The following LIMD1 variants were observed in gnomAD, a reference collection of about 807,000 sequenced individuals.
The protein encoded by LIMD1 is LIM domain containing 1, also known as LIM domain-containing protein 1.
LIMD1 carries 23 observed loss-of-function variants against 58.4 expected under a neutral mutation model. The observed-to-expected ratio is 0.39, with a 90% CI of 0.28 to 0.56. The LOEUF (loss-of-function observed/expected upper bound fraction) is 0.56. Ranked by LOEUF, LIMD1 falls within the 20% of genes least tolerant of loss-of-function variation. The pLI is 0.57. For synonymous variants in LIMD1, 334 were observed against 345.5 expected, an observed-to-expected ratio of 0.97 and a Z score of 0.37; for missense variants, 838 against 855.5, an observed-to-expected ratio of 0.98 and a Z score of 0.25.
chr3:45,674,229 G>A lies in LIMD1; in HGVS notation c.1825-114G>A, dbSNP rs1666870896. 1.8e-4 allele frequency: 120 copies of A among 679,522 alleles called. 2 individuals are homozygous for A. In the South Asian group the frequency reaches 2.0e-3, roughly 11 times the overall value. The allele number at this position is 679,522 out of a possible 1,614,324, so 42.1% of individuals were successfully genotyped here. ...TCCTGATTTACCTTCTCCTCCCAAG[G>A]CCACCTACTTGTTACCCCCAAAACC... On this transcript the variant is annotated intron_variant, in intron 6 of 7. Coordinates refer to ENST00000273317, the MANE Select transcript of LIMD1 (RefSeq NM_014240.3).
intron 1 of LIMD1, among the ~76,000 whole-genome samples, chr3:45,635,491 T>G (rs377425428): frequency 1.3e-5 from 2 of 151,980 alleles, no homozygotes; most frequent in East Asian, 3.9e-4. Context: ...GGAAGAGCAC[T>G]TGCTTGCAGT....
chr3:45,636,394 T>C, intron 2 of LIMD1, 143 bp downstream of exon 2: 1 of 645,730 alleles, frequency 1.5e-6, no homozygotes, highest in Non-Finnish European at 2.7e-6. Context: ...CAGTGTCTTT[T>C]ACAGCAGGGT....
At position 45,595,420 on chromosome 3, in the gene LIMD1, G is replaced by A. The variant is rs1701335232; in HGVS notation, c.541G>A (p.Asp181Asn). 2 of 1,614,086 alleles carry A rather than the reference G, an allele frequency of 1.2e-6. No homozygotes were observed. Among genetic ancestry groups the A allele is most frequent in the Non-Finnish European group, 1.7e-6 (2 of 1,180,014 alleles). ...PSCLTHGDYYDNLSLASPKWG... is the reference protein window; with the variant it reads ...PSCLTHGDYYNNLSLASPKWG... ...CTGCCTCACTCATGGAGACTATTAT[G>A]ACAACCTCTCCTTGGCAAGCCCAAA... The change falls in exon 1 of 8, where the codon GAC becomes AAC. Residue 181 changes from aspartate (D) to asparagine (N), a missense_variant. This residue lies in a region of LIMD1 where 659 missense variants were observed against 639.8 expected (regional missense o/e 1.03). Coordinates refer to ENST00000273317, the MANE Select transcript of LIMD1 (RefSeq NM_014240.3).
chr3:45,658,358 C>T (rs568729378), intron 2 of LIMD1, among the ~76,000 whole-genome samples: 10 of 152,004 alleles, frequency 6.6e-5, no homozygotes, highest in East Asian at 1.9e-4. Flanking sequence ...CTCCTGTGTC[C>T]GGACATGGGA....
At chr3:45,612,238 C>A (rs1284712486) in intron 1 of LIMD1, among the ~76,000 whole-genome samples, 1 of 152,180 alleles carries the variant, frequency 6.6e-6, no homozygotes, top group East Asian at 1.9e-4. Context: ...GTATGCACAA[C>A]CATGCCTGGC....
rs1350787685 is a variant in LIMD1 at position 45,672,748 on chromosome 3, A to G, written c.1700A>G (p.Asn567Ser). ...GGCTGTTTCCGCTGTGTCATCTGTA[A>G]TGAGTGTTTGGATGGGGTGCCCTTC... is the stretch of plus-strand genomic sequence containing the variant. ...HPGCFRCVIC[N>S]ECLDGVPFTV... Residue 567 changes from asparagine to serine, a missense_variant, in exon 5 of 8, where the codon AAT becomes AGT. By Grantham distance (46) the Asn-to-Ser change is conservative. This residue lies in a region of LIMD1 where 174 missense variants were observed against 197.4 expected (regional missense o/e 0.88). Coordinates refer to ENST00000273317, the MANE Select transcript of LIMD1 (RefSeq NM_014240.3). The G allele has an allele frequency of 3.7e-6, 6 of 1,613,850 alleles. No homozygotes were observed. Among genetic ancestry groups the G allele is most frequent in the Non-Finnish European group, 2.5e-6 (3 of 1,179,932 alleles).
intron 1 of LIMD1, among the ~76,000 whole-genome samples, chr3:45,607,994 T>A (rs1263111812): frequency 6.6e-6 from 1 of 152,246 alleles, no homozygotes; most frequent in Non-Finnish European, 1.5e-5. Flanking sequence ...TACCTCAGTT[T>A]GCATTCCTTC....
rs546511578 is a variant in LIMD1 at position 45,609,252 on chromosome 3, A to G, written c.1408+12965A>G. Among the ~76,000 whole-genome samples, 40 of 152,232 alleles carry G rather than the reference A, an allele frequency of 2.6e-4. 1 individual carries two copies. Among genetic ancestry groups the G allele is most frequent in the African/African-American group, 9.4e-4 (39 of 41,520 alleles). ...GGAAGTTGAATGTTAGAAGTGCTAG[A>G]CCTCCAGATTCAGTAAACTTGGAGA... On this transcript the variant is annotated intron_variant, in intron 1 of 7. Coordinates refer to ENST00000273317, the MANE Select transcript of LIMD1 (RefSeq NM_014240.3).
At chr3:45,644,256 C>A (rs6791353) in intron 2 of LIMD1, among the ~76,000 whole-genome samples, 16,746 of 152,198 alleles carry the variant, frequency 0.11, 1,036 homozygotes, top group African/African-American at 0.15. Context: ...CTGGAGGGTT[C>A]TTGCCAGCTA....
chr3:45,620,004 G>T (rs1350667496), intron 1 of LIMD1, among the ~76,000 whole-genome samples: 1 of 152,062 alleles, frequency 6.6e-6, no homozygotes, highest in Non-Finnish European at 1.5e-5. Flanking sequence ...ATTGGTGGAG[G>T]ATGTCGGATG....
chr3:45,635,833 C>A (rs1321400216), intron 1 of LIMD1: 4 of 951,036 alleles, frequency 4.2e-6, no homozygotes, highest in African/African-American at 1.8e-5. Context: ...TCTGAACTGT[C>A]TTACAAACAG....
intron 5 of LIMD1, 39 bp from the exon 6 acceptor site, chr3:45,673,415 C>T (rs373623809): frequency 1.2e-5 from 19 of 1,587,158 alleles, no homozygotes; most frequent in Non-Finnish European, 1.6e-5. Context: ...AATTTGCTCC[C>T]AGAAGCAACA....
rs900767307 is a variant in LIMD1 at position 45,669,770 on chromosome 3, G to A, written c.1641+1414G>A. ...AGTTTATTGATTTGTATTGCTAAGT[G>A]GAATTCCATTGTATGGATATAGCAC... On this transcript the variant is annotated intron_variant, in intron 4 of 7. Transcript: ENST00000273317. Among the ~76,000 whole-genome samples the A allele has an allele frequency of 4.6e-5, 7 of 152,136 alleles. No individual in the cohort carries two copies. The South Asian group carries it at 1.4e-3, about 32-fold the overall frequency.
chr3:45,667,903 CCT>C (rs1401129651), intron 3 of LIMD1, among the ~76,000 whole-genome samples: 1 of 152,132 alleles, frequency 6.6e-6, no homozygotes, highest in East Asian at 1.9e-4. Context: ...GAACCCACCC[CCT>C]GAGTTTCCAA....
At chr3:45,668,418 A>T in intron 4 of LIMD1, 62 bp downstream of exon 4, 1 of 1,291,926 alleles carries the variant, frequency 7.7e-7, no homozygotes, top group East Asian at 2.3e-5. Flanking sequence ...GTTCAGAGAA[A>T]AAAGAAATTA....
In LIMD1 at chr3:45,677,038, C is replaced by T. The variant is rs747696399; in HGVS notation, c.2010C>T (p.Ala670=). The change falls in exon 8 of 8, where the codon GCC becomes GCT. Residue 670 remains alanine, a synonymous_variant. Transcript: ENST00000273317. ...KRLEKRPSST[A]LHQHHF is the part of the protein sequence containing the mutation. ...TGGAGAAGAGACCCTCATCTACAGC[C>T]CTTCACCAGCACCACTTCTAGCCAG... 6 of 1,613,766 alleles carry T rather than the reference C, an allele frequency of 3.7e-6. No individual in the cohort carries two copies. Among genetic ancestry groups the T allele is most frequent in the Non-Finnish European group, 5.1e-6 (6 of 1,180,024 alleles).
intron 1 of LIMD1, among the ~76,000 whole-genome samples, chr3:45,621,499 C>T (rs897761459): frequency 2.0e-5 from 3 of 152,120 alleles, no homozygotes; most frequent in Non-Finnish European, 1.5e-5. Flanking sequence ...CTTGACTTCC[C>T]AAAGTGTTGG....
intron 2 of LIMD1, among the ~76,000 whole-genome samples, chr3:45,664,469 A>G (rs1697485401): frequency 6.6e-6 from 1 of 152,234 alleles, no homozygotes; most frequent in Non-Finnish European, 1.5e-5. Flanking sequence ...AATGTAGCAT[A>G]TACTCAGAGT....
intron 1 of LIMD1, among the ~76,000 whole-genome samples, chr3:45,618,051 G>C (rs1327058975): frequency 6.6e-6 from 1 of 152,102 alleles, no homozygotes; most frequent in African/African-American, 2.4e-5. Context: ...GGTTCCGTGT[G>C]GTGGGGCACC....
Sources: allele counts gnomAD v4.1 joint callset (sites outside exome capture counted in the v4.1 genomes callset), GRCh38; gene constraint gnomAD v4.1.1; regional missense constraint gnomAD v4.1.1; transcripts MANE v1.5; gene names NCBI Gene and HGNC (gene_info 2026-07-23, HGNC 2026-07-21).